The following SPOCK1 variants were observed in gnomAD, a reference collection of about 807,000 sequenced individuals.
SPOCK1 encodes the protein SPARC (osteonectin), cwcv and kazal like domains proteoglycan 1, also known as testican-1.
In SPOCK1, 23 loss-of-function variants were observed where a neutral mutation model predicts 55.3. The ratio of observed to expected loss-of-function variants is 0.42; its 90% CI spans 0.30 to 0.59. SPOCK1 has a LOEUF of 0.59. Ranked by LOEUF, SPOCK1 falls within the 20% of genes least tolerant of loss-of-function variation. The pLI is 0.22. For synonymous variants in SPOCK1, 226 were observed against 221.0 expected (o/e 1.02, Z -0.20); for missense variants, 499 against 552.5 (o/e 0.90, Z 0.97).
At chr5:137,362,311 T>C (rs1323291224) in intron 2 of SPOCK1, among the ~76,000 whole-genome samples, 1 of 151,430 alleles carries the variant, frequency 6.6e-6, no homozygotes, top group Non-Finnish European at 1.5e-5. Context: ...ATTAAGGACT[T>C]AACACAGACG....
intron 3 of SPOCK1, among the ~76,000 whole-genome samples, chr5:137,192,362 T>C (rs1181144135): frequency 6.6e-6 from 1 of 151,760 alleles, no homozygotes; most frequent in East Asian, 1.9e-4. Context: ...CATGAAAGCC[T>C]GGCAAATACC....
At chr5:137,191,467 T>C (rs1755177444) in intron 3 of SPOCK1, among the ~76,000 whole-genome samples, 1 of 152,250 alleles carries the variant, frequency 6.6e-6, no homozygotes, top group Admixed American at 6.5e-5. Flanking sequence ...AGGGTTTAGC[T>C]AAGAAGTCTA....
At chr5:137,337,761 A>G (rs182979016) in intron 2 of SPOCK1, among the ~76,000 whole-genome samples, 1 of 152,340 alleles carries the variant, frequency 6.6e-6, no homozygotes, top group East Asian at 1.9e-4. Context: ...TCAAGCTCTG[A>G]CCCTCCTAAA....
Position 137,421,228 on chromosome 5 carries a change from A to G in SPOCK1, c.186+77145T>C, listed in dbSNP as rs745770232. Among the ~76,000 whole-genome samples, 6 of 152,298 alleles carry G rather than the reference A, an allele frequency of 3.9e-5. No homozygotes were observed. The South Asian group carries it at 1.0e-3, about 26-fold the overall frequency. Reference sequence around the variant, plus strand: ...TGTTTTACTTCCAACTATGTGGTCAATTTTGAAGTAAGTGTGGTATGGTGC... The same window carrying G: ...TGTTTTACTTCCAACTATGTGGTCAGTTTTGAAGTAAGTGTGGTATGGTGC... On this transcript the variant is annotated intron_variant, in intron 2 of 10. Transcript: ENST00000394945.
chr5:137,356,834 T>TAGAGAGAG (rs1231164356), intron 2 of SPOCK1, among the ~76,000 whole-genome samples: 44 of 9,452 alleles, frequency 4.7e-3, no homozygotes, highest in Non-Finnish European at 7.0e-3. Context: ...TATATATATA[T>TAGAGAGAG]ATATAGAGAG....
chr5:137,055,385 G>A (rs141313593), intron 6 of SPOCK1, among the ~76,000 whole-genome samples: 147 of 152,280 alleles, frequency 9.7e-4, no homozygotes, highest in African/African-American at 3.3e-3. Flanking sequence ...CCCTCTGGGG[G>A]TATTGTTTTA....
At chr5:137,319,870 G>A (rs1292352553) in intron 2 of SPOCK1, among the ~76,000 whole-genome samples, 1 of 149,108 alleles carries the variant, frequency 6.7e-6, no homozygotes. Context: ...GCGTGAACCC[G>A]GGAAGCGGAG....
chr5:136,979,232 T>C (rs929054101), intron 10 of SPOCK1, 100 bp downstream of exon 10: 47 of 1,515,352 alleles, frequency 3.1e-5, no homozygotes, highest in Non-Finnish European at 3.9e-5. Context: ...TAATGTATAC[T>C]GGAGTTACCT....
Position 137,477,493 on chromosome 5 carries a change from C to T in SPOCK1, c.186+20880G>A, listed in dbSNP as rs145270222. On this transcript the variant is annotated intron_variant, in intron 2 of 10. Transcript: ENST00000394945. Reference sequence around the variant, plus strand: ...TCAAGGTTGGGAAGACACTTGCAGACCACTCAGTTTGGGTATAGCCAACTT... The same window carrying T: ...TCAAGGTTGGGAAGACACTTGCAGATCACTCAGTTTGGGTATAGCCAACTT... Among the ~76,000 whole-genome samples, 78 of 152,246 alleles carry T rather than the reference C, an allele frequency of 5.1e-4. 1 individual carries two copies. The highest frequency in any genetic ancestry group is 1.8e-3 in the African/African-American group (74 of 41,548).
chr5:137,080,437 C>A (rs974695587), intron 5 of SPOCK1, among the ~76,000 whole-genome samples: 8 of 152,148 alleles, frequency 5.3e-5, no homozygotes, highest in African/African-American at 1.9e-4. Flanking sequence ...CCTGCAGGAA[C>A]CATTATCTTC....
At chr5:137,496,240 C>G (rs1022241500) in intron 2 of SPOCK1, among the ~76,000 whole-genome samples, 1 of 152,166 alleles carries the variant, frequency 6.6e-6, no homozygotes, top group Non-Finnish European at 1.5e-5. Context: ...ATTTAACAAG[C>G]ACTTCAGGTG....
At chr5:136,984,291 TTTCCTTCTCTA>T (rs911530212) in intron 9 of SPOCK1, among the ~76,000 whole-genome samples, 4 of 146,204 alleles carry the variant, frequency 2.7e-5, no homozygotes, top group Admixed American at 6.9e-5. Context: ...AACTTGCCCA[TTTCCTTCTCTA>T]TTCATTTCCT....
chr5:137,089,868 A>T (rs1753023808), intron 5 of SPOCK1, among the ~76,000 whole-genome samples: 1 of 152,214 alleles, frequency 6.6e-6, no homozygotes, highest in Non-Finnish European at 1.5e-5. Flanking sequence ...ACTATCAAAG[A>T]TAACTGCACA....
chr5:137,015,376 G>A (rs935429242), intron 6 of SPOCK1, among the ~76,000 whole-genome samples: 1 of 152,140 alleles, frequency 6.6e-6, no homozygotes, highest in African/African-American at 2.4e-5. Context: ...CATGAACCTG[G>A]GAGGCAGAGC....
At chr5:137,014,685 T>A (rs1751417742) in intron 6 of SPOCK1, among the ~76,000 whole-genome samples, 1 of 152,188 alleles carries the variant, frequency 6.6e-6, no homozygotes, top group African/African-American at 2.4e-5. Context: ...TTATCACCCA[T>A]AATGGAATAT....
At chr5:137,386,659 A>T (rs1751604556) in intron 2 of SPOCK1, among the ~76,000 whole-genome samples, 1 of 152,350 alleles carries the variant, frequency 6.6e-6, no homozygotes, top group African/African-American at 2.4e-5. Context: ...AAATTAACTC[A>T]AAATGGATCA....
intron 3 of SPOCK1, among the ~76,000 whole-genome samples, chr5:137,264,095 A>C (rs1296886737): frequency 6.6e-6 from 1 of 152,144 alleles, no homozygotes; most frequent in East Asian, 1.9e-4. Context: ...TGGGCATTTC[A>C]GAGGTCAAGC....
At chr5:137,326,181 C>A (rs2127149182) in intron 2 of SPOCK1, among the ~76,000 whole-genome samples, 1 of 152,244 alleles carries the variant, frequency 6.6e-6, no homozygotes, top group Middle Eastern at 3.4e-3. Flanking sequence ...ATTCAGTACT[C>A]CCCGTACCAT....
chr5:137,077,215 C>T (rs933991096), intron 5 of SPOCK1, among the ~76,000 whole-genome samples: 14 of 152,372 alleles, frequency 9.2e-5, no homozygotes, highest in Admixed American at 7.8e-4. Context: ...TGAGCCACCG[C>T]GCCCGGCCCC....
Sources: gnomAD v4.1 joint callset for allele counts (sites outside exome capture counted in the v4.1 genomes callset) on GRCh38, gnomAD v4.1.1 for gene constraint, MANE v1.5 for transcripts, NCBI Gene and HGNC (gene_info 2026-07-23, HGNC 2026-07-21) for gene names.